CDC73: variants seen among roughly 807,000 people sequenced by gnomAD.
CDC73 encodes cell division cycle 73.
Under a neutral mutation model 83.7 loss-of-function variants are expected in CDC73, and 21 were observed. The observed-to-expected ratio is 0.25, with a 90% CI of 0.18 to 0.36. CDC73 has a LOEUF of 0.36. Among genes scored for constraint, CDC73 ranks in the 10% least tolerant of loss-of-function variants. The pLI, the probability that CDC73 is intolerant of heterozygous loss-of-function variation, is 1.00. For synonymous variants in CDC73, 224 were observed against 212.9 expected (o/e 1.05, Z -0.45); for missense variants, 342 against 653.3 (o/e 0.52, Z 5.19).
At chr1:193,122,408 T>G (rs899670544) in intron 1 of CDC73, 77 bp downstream of exon 1, 1 of 1,567,676 alleles carries the variant, frequency 6.4e-7, no homozygotes, top group Non-Finnish European at 8.8e-7. Context: ...TCTTAACCCC[T>G]CCCCCCGTTT....
At position 193,225,285 on chromosome 1, in the gene CDC73, G is replaced by T. The variant is rs149925155; in HGVS notation, c.1155-7708G>T. 3.3e-3 allele frequency among the ~76,000 whole-genome samples: 484 copies of T among 145,164 alleles called. 5 individuals are homozygous for T. The highest frequency in any genetic ancestry group is 0.012 in the African/African-American group (465 of 39,704). On this transcript the variant is annotated intron_variant, in intron 13 of 16. Transcript: ENST00000367435. Reference sequence around the variant, plus strand: ...ATATATATATATATCCACATACTACGGTTTCTTTATCCGCTAGTTGATTAA... The same window carrying T: ...ATATATATATATATCCACATACTACTGTTTCTTTATCCGCTAGTTGATTAA...
In CDC73 at chr1:193,249,720, C is replaced by G. The variant is rs768713729; in HGVS notation, c.1418-10C>G. The G allele has an allele frequency of 4.1e-5, 66 of 1,601,920 alleles. No individual in the cohort carries two copies. The highest frequency in any genetic ancestry group is 3.3e-4 in the Middle Eastern group (2 of 6,042). ...GTAAAAATGATAACTTCTCTCCACCCTCTCTATAGTTAAAGCCTTCCATCT... is the reference window on the plus strand; with the variant it reads ...GTAAAAATGATAACTTCTCTCCACCGTCTCTATAGTTAAAGCCTTCCATCT... On this transcript the variant is annotated splice_polypyrimidine_tract_variant and intron_variant, in intron 15 of 16. Transcript: ENST00000367435.
chr1:193,125,250 T>A, intron 2 of CDC73, 33 bp downstream of exon 2: 1 of 1,187,910 alleles, frequency 8.4e-7, no homozygotes, highest in Non-Finnish European at 1.3e-6. Context: ...ATCTATCTAT[T>A]TATCAGTTTT....
chr1:193,147,016 G>A lies in CDC73; in HGVS notation c.730-851G>A, dbSNP rs180686117. Among the ~76,000 whole-genome samples, 1,464 of 151,278 alleles carry A rather than the reference G, an allele frequency of 9.7e-3. 9 individuals are homozygous for A. The highest frequency in any genetic ancestry group is 0.054 in the Middle Eastern group (16 of 294). ...TTTATTTAGATTTTTTTTTTTAGAC[G>A]GATTCTTGCTCTGTCTCCCAGGGTG... is the stretch of plus-strand genomic sequence containing the variant. On this transcript the variant is annotated intron_variant, in intron 7 of 16. Transcript: ENST00000367435.
chr1:193,253,375 C>T lies in CDC73; in HGVS notation c.*2663C>T, dbSNP rs1469056960. ...CCAGTATTAAATGTGTTTCCTCTTC[C>T]TTCTTTTCTGTATGTATGTGTGGTT... is the stretch of plus-strand genomic sequence containing the variant. On this transcript the variant is annotated 3_prime_UTR_variant, in exon 17 of 17. Coordinates refer to ENST00000367435, the MANE Select transcript of CDC73 (RefSeq NM_024529.5). The T allele has an allele frequency of 8.6e-6, 2 of 232,062 alleles. No individual in the cohort carries two copies. The highest frequency in any genetic ancestry group is 5.7e-5 in the Admixed American group (1 of 17,682). 14.4% of individuals were successfully genotyped at this position (232,062 alleles called of 1,614,324 possible).
At position 193,159,811 on chromosome 1, in the gene CDC73, AAC is replaced by A. The variant is rs1676277593; in HGVS notation, c.972+7370_972+7371del. On this transcript the variant is annotated intron_variant, in intron 10 of 16. Coordinates refer to ENST00000367435, the MANE Select transcript of CDC73 (RefSeq NM_024529.5). Reference sequence around the variant, plus strand: ...CTCTAATTGGCTAGTATTTAGACTGAACACTTATTTAGATGGGTAAATATTAA... The same window carrying A: ...CTCTAATTGGCTAGTATTTAGACTGAACTTATTTAGATGGGTAAATATTAA... Among the ~76,000 whole-genome samples, 5 of 152,326 alleles carry A rather than the reference AAC, an allele frequency of 3.3e-5. 1 individual carries two copies. In the South Asian group the frequency reaches 1.0e-3, roughly 32 times the overall value.
At chr1:193,149,892 A>G (rs1676075881) in intron 8 of CDC73, among the ~76,000 whole-genome samples, 1 of 152,200 alleles carries the variant, frequency 6.6e-6, no homozygotes, top group African/African-American at 2.4e-5. Context: ...TGGATTAATC[A>G]TCATGGCTTT....
At chr1:193,242,406 C>T (rs1181715888) in intron 15 of CDC73, among the ~76,000 whole-genome samples, 1 of 152,208 alleles carries the variant, frequency 6.6e-6, no homozygotes, top group Non-Finnish European at 1.5e-5. Flanking sequence ...TCACCCTTAT[C>T]TCACTGGTGA....
rs1247874219 is a variant in CDC73 at position 193,210,530 on chromosome 1, GTTA to G, written c.1031-1528_1031-1526del. ...CTAAGATGTATTCATCTTGTGTTAG[GTTA>G]TTATTACCATTATGTCAACAAATAT... On this transcript the variant is annotated intron_variant, in intron 11 of 16. Transcript: ENST00000367435. Among the ~76,000 whole-genome samples the G allele has an allele frequency of 1.3e-5, 2 of 152,098 alleles. 1 individual carries two copies. Among genetic ancestry groups the G allele is most frequent in the African/African-American group, 4.8e-5 (2 of 41,496 alleles).
At chr1:193,135,673 G>A in intron 5 of CDC73, 84 bp downstream of exon 5, 1 of 1,091,078 alleles carries the variant, frequency 9.2e-7, no homozygotes, top group Non-Finnish European at 1.3e-6. Flanking sequence ...TTTGATTGCA[G>A]TAACCTGAGG....
At position 193,250,684 on chromosome 1, in the gene CDC73, T is replaced by C; in HGVS notation, c.1568T>C (p.Val523Ala). The C allele has an allele frequency of 6.2e-7, 1 of 1,608,318 alleles. No individual in the cohort carries two copies. Among genetic ancestry groups the C allele is most frequent in the Non-Finnish European group, 8.5e-7 (1 of 1,175,436 alleles). ...RFWETLDRYM[V>A]KHKSHLRF ...CATAATATTTTTTTCAGGTACATGG[T>C]AAAGCATAAATCGCACTTGAGATTC... Residue 523 changes from valine to alanine, a missense_variant, in exon 17 of 17, where the codon GTA becomes GCA. Coordinates refer to ENST00000367435, the MANE Select transcript of CDC73 (RefSeq NM_024529.5).
intron 8 of CDC73, among the ~76,000 whole-genome samples, chr1:193,148,484 A>C (rs1274861049): frequency 6.6e-6 from 1 of 152,122 alleles, no homozygotes; most frequent in Non-Finnish European, 1.5e-5. Context: ...CACGTATGAC[A>C]TATAGCCTAT....
At chr1:193,229,452 C>T (rs1038861197) in intron 13 of CDC73, among the ~76,000 whole-genome samples, 1 of 152,204 alleles carries the variant, frequency 6.6e-6, no homozygotes, top group African/African-American at 2.4e-5. Flanking sequence ...TGAAAGTGAT[C>T]CCAGAGAGCT....
chr1:193,212,343 A>G (rs1224610488), intron 12 of CDC73, 47 bp from the exon 13 acceptor site: 2 of 1,131,090 alleles, frequency 1.8e-6, no homozygotes, highest in Non-Finnish European at 2.6e-6. Flanking sequence ...GAAAGTAAGT[A>G]TAATTTCTAA....
intron 13 of CDC73, among the ~76,000 whole-genome samples, chr1:193,232,503 T>C (rs1284743647): frequency 6.6e-6 from 1 of 152,008 alleles, no homozygotes; most frequent in Non-Finnish European, 1.5e-5. Context: ...TGAGCTTGAG[T>C]TCTATTTGGT....
chr1:193,125,433 G>T (rs1368973299), intron 2 of CDC73, among the ~76,000 whole-genome samples: 3 of 151,872 alleles, frequency 2.0e-5, no homozygotes, highest in East Asian at 1.9e-4. Flanking sequence ...AATTTTTTTT[G>T]TTGTTGTTAA....
chr1:193,243,710 T>G (rs1402441135), intron 15 of CDC73, among the ~76,000 whole-genome samples: 1 of 152,212 alleles, frequency 6.6e-6, no homozygotes, highest in East Asian at 1.9e-4. Flanking sequence ...ACATGAATAC[T>G]ACTTTGAAAG....
intron 5 of CDC73, among the ~76,000 whole-genome samples, chr1:193,137,424 T>C (rs1242038829): frequency 1.3e-5 from 2 of 152,254 alleles, no homozygotes; most frequent in African/African-American, 2.4e-5. Context: ...ATTTGTTGAA[T>C]GTGGACATTA....
intron 5 of CDC73, among the ~76,000 whole-genome samples, chr1:193,135,914 G>T (rs1383078254): frequency 6.7e-6 from 1 of 148,990 alleles, no homozygotes; most frequent in East Asian, 1.9e-4. Context: ...TGTCACCCAG[G>T]CTGGAGTCCA....
Sources: gnomAD v4.1 joint callset for allele counts (sites outside exome capture counted in the v4.1 genomes callset) on GRCh38, gnomAD v4.1.1 for gene constraint, MANE v1.5 for transcripts, NCBI Gene and HGNC (gene_info 2026-07-23, HGNC 2026-07-21) for gene names.